SH3TC2: variants seen among roughly 807,000 people sequenced by gnomAD.
SH3TC2 encodes SH3 domain and tetratricopeptide repeats 2, also known as SH3 domain and tetratricopeptide repeat-containing protein 2.
A neutral mutation model predicts 124.5 loss-of-function variants in SH3TC2; 87 were observed. The observed-to-expected ratio is 0.70, with a 90% CI of 0.59 to 0.84. The LOEUF is 0.84. SH3TC2 is among the 40% of genes least tolerant of loss of function. The pLI is 0.00. For synonymous variants in SH3TC2, 634 were observed against 628.5 expected, an observed-to-expected ratio of 1.01 and a Z score of -0.13; for missense variants, 1,536 against 1,566.4, an observed-to-expected ratio of 0.98 and a Z score of 0.33.
rs779075488 is a variant in SH3TC2, at chr5:149,047,927, C to T, written c.214G>A (p.Glu72Lys). 5 of 1,614,168 alleles carry T rather than the reference C, an allele frequency of 3.1e-6. No homozygotes were observed. Among genetic ancestry groups the T allele is most frequent in the Non-Finnish European group, 4.2e-6 (5 of 1,180,010 alleles). Residue 72 changes from glutamate to lysine, a missense_variant, in exon 3 of 17, where the codon GAA (glutamate) becomes AAA (lysine). Transcript: ENST00000515425. ...GCCCAGAGCCGCCTCCGAGCAGCTTCCTGTAGGGGTCCATTTACACACCTC... is the reference window on the plus strand; with the variant it reads ...GCCCAGAGCCGCCTCCGAGCAGCTTTCTGTAGGGGTCCATTTACACACCTC... ...SRRCVNGPLQ[E>K]AARRRLWALE...
At chr5:149,049,447 A>G (rs1754520121) in intron 2 of SH3TC2, among the ~76,000 whole-genome samples, 1 of 152,178 alleles carries the variant, frequency 6.6e-6, no homozygotes, top group Admixed American at 6.5e-5. Flanking sequence ...AATGACTTTT[A>G]TAGTACCTAT....
chr5:149,043,500 C>A lies in SH3TC2; in HGVS notation c.386-663G>T, dbSNP rs188344686. Reference sequence around the variant, plus strand: ...CTAAGATGCAAAAGCCTGTCTGTTTCTATCCTGACTGTCCATTGTGCTGAT... The same window carrying A: ...CTAAGATGCAAAAGCCTGTCTGTTTATATCCTGACTGTCCATTGTGCTGAT... On this transcript the variant is annotated intron_variant, in intron 4 of 16. Transcript: ENST00000515425. 5.3e-5 allele frequency among the ~76,000 whole-genome samples: 8 copies of A among 152,340 alleles called. No individual in the cohort carries two copies. In the East Asian group the frequency reaches 1.5e-3, roughly 29 times the overall value.
chr5:149,041,652 G>C (rs1328521910), intron 5 of SH3TC2, 35 bp from the exon 6 acceptor site: 2 of 1,606,838 alleles, frequency 1.2e-6, no homozygotes, highest in Non-Finnish European at 1.7e-6. Flanking sequence ...GCTTTCTAAG[G>C]AGTAGCAGGA....
Position 148,987,809 on chromosome 5 carries a change from C to CTGTGTG in SH3TC2, c.*16896_*16901dup, listed in dbSNP as rs71957589. On this transcript the variant is annotated 3_prime_UTR_variant, in exon 17 of 17. Coordinates refer to ENST00000515425, the MANE Select transcript of SH3TC2 (RefSeq NM_024577.4). ...CCTCACTCGAGGCCTCATTCAAAAT[C>CTGTGTG]TGTGTGTGTGTGTGTGTGTGTGTGT... 0.047 allele frequency among the ~76,000 whole-genome samples: 6,307 copies of CTGTGTG among 135,334 alleles called. 163 individuals carry two copies. The highest frequency in any genetic ancestry group is 0.072 in the Middle Eastern group (20 of 276). 88.8% of individuals were successfully genotyped at this position (135,334 alleles called of 152,430 possible).
intron 12 of SH3TC2, among the ~76,000 whole-genome samples, chr5:149,023,941 C>T (rs868769118): frequency 4.4e-4 from 67 of 152,112 alleles, no homozygotes; most frequent in Admixed American, 3.5e-3. Context: ...TGATATTCTA[C>T]TTCACTATAT....
chr5:149,027,365 C>G lies in SH3TC2; in HGVS notation c.2367G>C (p.Leu789=). ...ACTCAAAGGATTCCTGCTCACCCAG[C>G]AGCTGCCCTAGCACCAAGGCCTGGC... ...YLSQALVLGQ[L]LGEQESFESS... The change falls in exon 11 of 17, where the codon CTG becomes CTC. Residue 789 remains leucine (L), a synonymous_variant. Transcript: ENST00000515425. The G allele has an allele frequency of 1.2e-6, 2 of 1,614,054 alleles. No homozygotes were observed. Among genetic ancestry groups the G allele is most frequent in the Non-Finnish European group, 1.7e-6 (2 of 1,179,988 alleles).
intron 8 of SH3TC2, among the ~76,000 whole-genome samples, chr5:149,036,382 C>T (rs889405745): frequency 1.3e-5 from 2 of 152,126 alleles, no homozygotes; most frequent in Non-Finnish European, 1.5e-5. Flanking sequence ...CCGCCTCCCC[C>T]GCAGCTTGTT....
At position 148,985,583 on chromosome 5, in the gene SH3TC2, C is replaced by A. The variant is rs1209143749; in HGVS notation, c.*19128G>T. Among the ~76,000 whole-genome samples, 2 of 152,186 alleles carry A rather than the reference C, an allele frequency of 1.3e-5. No individual in the cohort carries two copies. The highest frequency in any genetic ancestry group is 2.9e-5 in the Non-Finnish European group (2 of 68,032). On this transcript the variant is annotated 3_prime_UTR_variant, in exon 17 of 17. Coordinates refer to ENST00000515425, the MANE Select transcript of SH3TC2 (RefSeq NM_024577.4). ...TGAGTAGTATTCCACTGTATGAATACACCATAGTTTGTTTATCCATTTCCC... is the reference window on the plus strand; with the variant it reads ...TGAGTAGTATTCCACTGTATGAATAAACCATAGTTTGTTTATCCATTTCCC...
intron 9 of SH3TC2, among the ~76,000 whole-genome samples, chr5:149,030,197 C>T (rs1336737883): frequency 6.6e-6 from 1 of 152,224 alleles, no homozygotes; most frequent in Non-Finnish European, 1.5e-5. Flanking sequence ...GCGCAAGTTA[C>T]AAAATGGTGT....
At chr5:149,047,480 T>C (rs1561771686) in intron 3 of SH3TC2, 1 of 257,330 alleles carries the variant, frequency 3.9e-6, no homozygotes, top group Non-Finnish European at 7.7e-6. Context: ...GAAAATTTTA[T>C]GTTATGTATA....
rs1219311024 is a variant in SH3TC2, at chr5:148,999,308, G to T, written c.*5403C>A. On this transcript the variant is annotated 3_prime_UTR_variant, in exon 17 of 17. Transcript: ENST00000515425. ...AGCCATTTCCTTGTCTATGACATAA[G>T]TAAGTCTGATATAATTCTGACAGCC... Among the ~76,000 whole-genome samples, 1 of 152,182 alleles carries T rather than the reference G, an allele frequency of 6.6e-6. No individual in the cohort carries two copies. The highest frequency in any genetic ancestry group is 1.5e-5 in the Non-Finnish European group (1 of 68,032).
chr5:149,031,219 G>C (rs984232840), intron 9 of SH3TC2, among the ~76,000 whole-genome samples: 3 of 152,002 alleles, frequency 2.0e-5, no homozygotes, highest in Non-Finnish European at 4.4e-5. Flanking sequence ...TCTCACTGGG[G>C]GCTTACTTCA....
rs191117461 is a variant in SH3TC2 at position 149,058,429 on chromosome 5, T to A, written c.52+4542A>T. 1.8e-4 allele frequency among the ~76,000 whole-genome samples: 28 copies of A among 152,344 alleles called. No individual in the cohort carries two copies. In the East Asian group the frequency reaches 5.2e-3, roughly 28 times the overall value. ...TTATCTGATTGTTTCAATGTGCATT[T>A]CCCTAATGACTTACGATGTTAATCA... On this transcript the variant is annotated intron_variant, in intron 1 of 16. Transcript: ENST00000515425.
At chr5:149,014,766 C>A (rs985864810) in intron 12 of SH3TC2, among the ~76,000 whole-genome samples, 4 of 152,220 alleles carry the variant, frequency 2.6e-5, no homozygotes, top group Non-Finnish European at 4.4e-5. Context: ...TAACCACAGG[C>A]ATCTTTCACT....
In SH3TC2 at chr5:149,040,500, A is replaced by G. The variant is rs570000892; in HGVS notation, c.805+104T>C. On this transcript the variant is annotated intron_variant, in intron 7 of 16. Transcript: ENST00000515425. Reference sequence around the variant, plus strand: ...TCCCTAAATCCAGTTCCTAGCAGAGACGAGACAAAAATTCACATCAACTGA... The same window carrying G: ...TCCCTAAATCCAGTTCCTAGCAGAGGCGAGACAAAAATTCACATCAACTGA... 272 of 1,054,694 alleles carry G rather than the reference A, an allele frequency of 2.6e-4. 5 individuals are homozygous for G. The South Asian group carries it at 3.2e-3, about 12-fold the overall frequency. The allele number at this position is 1,054,694 out of a possible 1,614,324, so 65.3% of individuals were successfully genotyped here.
chr5:148,991,207 T>C lies in SH3TC2; in HGVS notation c.*13504A>G, dbSNP rs1236607373. 6.6e-6 allele frequency among the ~76,000 whole-genome samples: 1 copy of C among 152,208 alleles called. No individual in the cohort carries two copies. Among genetic ancestry groups the C allele is most frequent in the Non-Finnish European group, 1.5e-5 (1 of 68,040 alleles). ...TATGTAGAGGACTTTTTCTTCTCTATACAAAAGCTTTTACCCATATACCAC... is the reference window on the plus strand; with the variant it reads ...TATGTAGAGGACTTTTTCTTCTCTACACAAAAGCTTTTACCCATATACCAC... On this transcript the variant is annotated 3_prime_UTR_variant, in exon 17 of 17. Transcript: ENST00000515425.
In SH3TC2 at chr5:148,992,703, C is replaced by T. The variant is rs964356821; in HGVS notation, c.*12008G>A. Among the ~76,000 whole-genome samples, 2 of 142,836 alleles carry T rather than the reference C, an allele frequency of 1.4e-5. No individual in the cohort carries two copies. Among genetic ancestry groups the T allele is most frequent in the Non-Finnish European group, 3.0e-5 (2 of 66,546 alleles). The allele number at this position is 142,836 out of a possible 152,430, so 93.7% of individuals were successfully genotyped here. On this transcript the variant is annotated 3_prime_UTR_variant, in exon 17 of 17. Transcript: ENST00000515425. ...ACTGAGACCTCAGGTGGGAGATGGA[C>T]TTGTCCCAGTATACACAAGGAGTGA...
chr5:148,982,380 A>T lies in SH3TC2; in HGVS notation c.*22331T>A, dbSNP rs1753264655. 6.6e-6 allele frequency among the ~76,000 whole-genome samples: 1 copy of T among 152,188 alleles called. No homozygotes were observed. The highest frequency in any genetic ancestry group is 6.5e-5 in the Admixed American group (1 of 15,276). On this transcript the variant is annotated 3_prime_UTR_variant, in exon 17 of 17. Coordinates refer to ENST00000515425, the MANE Select transcript of SH3TC2 (RefSeq NM_024577.4). ...TATGCCCTTAGTATTCTGCTATTTC[A>T]CTTTTGTGGAATTTTTCCTACATAT...
intron 8 of SH3TC2, among the ~76,000 whole-genome samples, chr5:149,032,321 A>G (rs771798047): frequency 6.6e-6 from 1 of 152,234 alleles, no homozygotes; most frequent in African/African-American, 2.4e-5. Context: ...TATAAGCAAT[A>G]AAGATCTTGA....
Sources: allele counts gnomAD v4.1 joint callset (sites outside exome capture counted in the v4.1 genomes callset), GRCh38; gene constraint gnomAD v4.1.1; transcripts MANE v1.5; gene names NCBI Gene and HGNC (gene_info 2026-07-23, HGNC 2026-07-21).